Variants in AFAP1L1 observed in about 807,000 individuals in gnomAD.
The protein encoded by AFAP1L1 is actin filament associated protein 1 like 1, also known as actin filament-associated protein 1-like 1.
Under a neutral mutation model 99.8 loss-of-function variants are expected in AFAP1L1, and 77 were observed. That is an observed-to-expected ratio of 0.77 (90% CI 0.64 to 0.93). The LOEUF is 0.93. AFAP1L1 is among the 40% of genes least tolerant of loss of function. AFAP1L1 has a pLI of 0.00. For missense variants in AFAP1L1, 893 were observed against 996.8 expected, an observed-to-expected ratio of 0.90 and a Z score of 1.40; for synonymous variants, 373 against 395.3, an observed-to-expected ratio of 0.94 and a Z score of 0.67.
chr5:149,304,914 G>T (rs1211537672), intron 5 of AFAP1L1, among the ~76,000 whole-genome samples: 2 of 151,998 alleles, frequency 1.3e-5, no homozygotes, highest in Non-Finnish European at 2.9e-5. Context: ...ATTCTGAAGA[G>T]CAGTGTGCTG....
chr5:149,332,999 G>T, intron 17 of AFAP1L1, 126 bp downstream of exon 17: 1 of 1,279,366 alleles, frequency 7.8e-7, no homozygotes, highest in Non-Finnish European at 1.0e-6. Context: ...GAAAACTGAA[G>T]TCCAAAGAGG....
intron 1 of AFAP1L1, among the ~76,000 whole-genome samples, chr5:149,292,989 G>A (rs76463646): frequency 2.6e-5 from 4 of 152,194 alleles, no homozygotes; most frequent in Admixed American, 1.3e-4. Context: ...AAGGGGCTTC[G>A]CCAGCTCCTT....
At chr5:149,291,267 G>T (rs748247006) in intron 1 of AFAP1L1, among the ~76,000 whole-genome samples, 1 of 152,036 alleles carries the variant, frequency 6.6e-6, no homozygotes, top group Non-Finnish European at 1.5e-5. Context: ...GGTGCCTCAC[G>T]CCTGTAATCC....
intron 15 of AFAP1L1, among the ~76,000 whole-genome samples, chr5:149,323,354 T>C (rs1386625006): frequency 6.6e-6 from 1 of 152,226 alleles, no homozygotes; most frequent in Non-Finnish European, 1.5e-5. Context: ...AATTGCCTGA[T>C]TACCACACTG....
At chr5:149,335,324 C>G (rs1051302368) in intron 17 of AFAP1L1, among the ~76,000 whole-genome samples, 5 of 152,038 alleles carry the variant, frequency 3.3e-5, no homozygotes, top group African/African-American at 1.2e-4. Flanking sequence ...CCCATCTCTA[C>G]TAAAAATACA....
chr5:149,336,557 C>T (rs1418069611), intron 18 of AFAP1L1, among the ~76,000 whole-genome samples: 1 of 152,208 alleles, frequency 6.6e-6, no homozygotes, highest in Non-Finnish European at 1.5e-5. Flanking sequence ...GTTGACGGGC[C>T]ATATCTGGCA....
At chr5:149,290,094 G>A (rs1347483840) in intron 1 of AFAP1L1, among the ~76,000 whole-genome samples, 1 of 152,134 alleles carries the variant, frequency 6.6e-6, no homozygotes, top group East Asian at 1.9e-4. Flanking sequence ...TTAGCCGGGC[G>A]TGGTAGCGCA....
At chr5:149,322,338 C>T (rs1385108066) in intron 14 of AFAP1L1, among the ~76,000 whole-genome samples, 2 of 152,188 alleles carry the variant, frequency 1.3e-5, no homozygotes, top group Non-Finnish European at 2.9e-5. Context: ...TAGCCACCCA[C>T]AGTCTTTTGA....
rs1375141105 is a variant in AFAP1L1 at position 149,327,939 on chromosome 5, G to A, written c.1811-1727G>A. On this transcript the variant is annotated intron_variant, in intron 15 of 18. Transcript: ENST00000296721. Reference sequence around the variant, plus strand: ...GAAAAACATTAATCTATACATCCACGAAGCTCAGTGAAATCCAAGTAAGAT... The same window carrying A: ...GAAAAACATTAATCTATACATCCACAAAGCTCAGTGAAATCCAAGTAAGAT... Among the ~76,000 whole-genome samples the A allele has an allele frequency of 3.3e-5, 5 of 152,100 alleles. No individual in the cohort carries two copies. The South Asian group carries it at 8.3e-4, about 25-fold the overall frequency.
chr5:149,301,269 G>C (rs1419711742), intron 4 of AFAP1L1, 39 bp downstream of exon 4: 1 of 1,588,504 alleles, frequency 6.3e-7, no homozygotes, highest in East Asian at 2.2e-5. Context: ...CAGGGCCTCT[G>C]TCCCTCTGGA....
At chr5:149,322,536 C>T (rs78660282) in intron 14 of AFAP1L1, 70 bp from the exon 15 acceptor site, 1 of 1,129,020 alleles carries the variant, frequency 8.9e-7, no homozygotes, top group Non-Finnish European at 1.3e-6. Context: ...TGAGCAAAGA[C>T]CGCAATACAC....
chr5:149,275,150 A>G (rs748147182), intron 1 of AFAP1L1, among the ~76,000 whole-genome samples: 2 of 152,208 alleles, frequency 1.3e-5, no homozygotes, highest in African/African-American at 2.4e-5. Context: ...CTCCTCTCAG[A>G]ACAACCCATA....
chr5:149,315,818 C>G lies in AFAP1L1; in HGVS notation c.1021-3C>G, dbSNP rs1378280452. 2.5e-6 allele frequency: 4 copies of G among 1,614,052 alleles called. No individual in the cohort carries two copies. Among genetic ancestry groups the G allele is most frequent in the Non-Finnish European group, 3.4e-6 (4 of 1,179,962 alleles). On this transcript the variant is annotated splice_region_variant and splice_polypyrimidine_tract_variant and intron_variant, in intron 9 of 18. Transcript: ENST00000296721. ...ATGAGGGACTGCCTGTGTCCCTCCT[C>G]AGAGGCTGTCCCAAGAGAAGCAGAC...
In AFAP1L1 at chr5:149,319,710, T is replaced by A; in HGVS notation, c.1608T>A (p.Ala536=). 1.9e-6 allele frequency: 3 copies of A among 1,612,140 alleles called. No homozygotes were observed. Among genetic ancestry groups the A allele is most frequent in the Non-Finnish European group, 2.5e-6 (3 of 1,179,974 alleles). Residue 536 remains alanine (A), a synonymous_variant, in exon 13 of 19, where the codon GCT becomes GCA. Transcript: ENST00000296721. ...AGACCTTAACCAGCATCGTCAGTGC[T>A]GGGCGCAACTCCTTCCTGTAAGTGT... is the stretch of plus-strand genomic sequence containing the variant. The part of the protein sequence containing the change: ...DVETLTSIVS[A]GRNSFLYARS...
At chr5:149,294,044 G>C (rs1199748271) in intron 1 of AFAP1L1, among the ~76,000 whole-genome samples, 1 of 152,156 alleles carries the variant, frequency 6.6e-6, no homozygotes, top group Non-Finnish European at 1.5e-5. Flanking sequence ...AGTTATTTCA[G>C]AAGAGGATAA....
At chr5:149,298,164 G>A (rs2127593442) in intron 1 of AFAP1L1, among the ~76,000 whole-genome samples, 2 of 152,246 alleles carry the variant, frequency 1.3e-5, no homozygotes, top group South Asian at 4.1e-4. Context: ...CCGGGTCAGT[G>A]TCTCCTGTTT....
rs116757598 is a variant in AFAP1L1, at chr5:149,284,349, C to T, written c.16+12365C>T. Among the ~76,000 whole-genome samples, 499 of 152,298 alleles carry T rather than the reference C, an allele frequency of 3.3e-3. 4 individuals carry two copies. The highest frequency in any genetic ancestry group is 0.011 in the African/African-American group (477 of 41,572). On this transcript the variant is annotated intron_variant, in intron 1 of 18. Transcript: ENST00000296721. ...AAGTTGCCTGGGGTTTGAATCCTGGCTCTACTCCTTTTGTTTAACCCCCTG... is the reference window on the plus strand; with the variant it reads ...AAGTTGCCTGGGGTTTGAATCCTGGTTCTACTCCTTTTGTTTAACCCCCTG...
chr5:149,301,242 C>T lies in AFAP1L1; in HGVS notation c.327+12C>T. The T allele has an allele frequency of 6.2e-7, 1 of 1,612,856 alleles. No individual in the cohort carries two copies. The highest frequency in any genetic ancestry group is 8.5e-7 in the Non-Finnish European group (1 of 1,179,192). On this transcript the variant is annotated intron_variant, in intron 4 of 18. Coordinates refer to ENST00000296721, the MANE Select transcript of AFAP1L1 (RefSeq NM_152406.4). ...CACGCCTGAGAAACGTGAGTCATGG[C>T]CTGGGTTCCCACACCTCAGGGCCTC... is the stretch of plus-strand genomic sequence containing the variant.
rs1265649898 is a variant in AFAP1L1, at chr5:149,316,192, A to G, written c.1156A>G (p.Met386Val). 3.1e-6 allele frequency: 5 copies of G among 1,614,000 alleles called. No individual in the cohort carries two copies. The highest frequency in any genetic ancestry group is 1.7e-5 in the Admixed American group (1 of 60,002). Reference protein sequence around the residue: ...KSSLAELKGSMSRAAGRKITR... With the variant: ...KSSLAELKGSVSRAAGRKITR... ...CAGCCTGGCAGAACTGAAGGGCTCA[A>G]TGAGCAGGGCTGCGGGCCGCAAGAT... is the stretch of plus-strand genomic sequence containing the variant. Residue 386 changes from methionine to valine, a missense_variant, in exon 11 of 19, where the codon ATG becomes GTG. Transcript: ENST00000296721.
Sources: allele counts gnomAD v4.1 joint callset (sites outside exome capture counted in the v4.1 genomes callset), GRCh38; gene constraint gnomAD v4.1.1; transcripts MANE v1.5; gene names NCBI Gene and HGNC (gene_info 2026-07-23, HGNC 2026-07-21).